Variants in SMCR8 observed in about 807,000 individuals in gnomAD.
SMCR8 encodes guanine nucleotide exchange protein SMCR8.
In SMCR8, 30 loss-of-function variants were observed where a neutral mutation model predicts 56.6. The ratio of observed to expected loss-of-function variants is 0.53; its 90% CI spans 0.40 to 0.72. SMCR8 has a LOEUF of 0.72. Among genes scored for constraint, SMCR8 ranks in the 30% least tolerant of loss-of-function variants. The pLI, the probability that SMCR8 is intolerant of heterozygous loss-of-function variation, is 0.00. For missense variants in SMCR8, 1,198 were observed against 1,157.0 expected (o/e 1.04, Z -0.51); for synonymous variants, 538 against 456.0 (o/e 1.18, Z -2.29).
rs769180141 is a variant in SMCR8 at position 18,317,323 on chromosome 17, A to G, written c.1534A>G (p.Ile512Val). Residue 512 changes from isoleucine to valine, a missense_variant, in exon 1 of 2, where the codon ATC (isoleucine) becomes GTC (valine). By Grantham distance (29) the Ile-to-Val change is conservative. Transcript: ENST00000406438. ...VRSKAVSHRT[I>V]SEDSIEVLST... ...GAGCAAAGCAGTCAGCCACAGGACC[A>G]TCAGCGAGGACAGTATTGAAGTCCT... 9 of 1,614,030 alleles carry G rather than the reference A, an allele frequency of 5.6e-6. No homozygotes were observed. Among genetic ancestry groups the G allele is most frequent in the Non-Finnish European group, 7.6e-6 (9 of 1,180,036 alleles).
Position 18,323,196 on chromosome 17 carries a change from A to C in SMCR8, c.*126A>C, listed in dbSNP as rs1982555944. ...TCTGGTGTCTGGCAGCATGGTTCCC[A>C]CGTGGCTCCTAGTAGTTTTTAAGTT... On this transcript the variant is annotated 3_prime_UTR_variant, in exon 2 of 2. Coordinates refer to ENST00000406438, the MANE Select transcript of SMCR8 (RefSeq NM_144775.3). 1 of 835,064 alleles carries C rather than the reference A, an allele frequency of 1.2e-6. No individual in the cohort carries two copies. Among genetic ancestry groups the C allele is most frequent in the Non-Finnish European group, 1.9e-6 (1 of 539,604 alleles). 51.7% of individuals were successfully genotyped at this position (835,064 alleles called of 1,614,324 possible).
rs763869145 is a variant in SMCR8 at position 18,317,359 on chromosome 17, C to G, written c.1570C>G (p.Pro524Ala). The G allele has an allele frequency of 4.3e-6, 7 of 1,614,124 alleles. No individual in the cohort carries two copies. The highest frequency in any genetic ancestry group is 2.2e-5 in the East Asian group (1 of 44,886). The stretch of plus-strand genomic sequence containing the variant: ...CAGTATTGAAGTCCTCAGTACCTGC[C>G]CCTCTGAGGCCCTCATCCCTGATGA... ...EDSIEVLSTCPSEALIPDDFK... is the reference protein window; with the variant it reads ...EDSIEVLSTCASEALIPDDFK... The change falls in exon 1 of 2, where the codon CCC becomes GCC. Residue 524 changes from proline (P) to alanine (A), a missense_variant. Pro to Ala is a conservative substitution (Grantham distance 27). Transcript: ENST00000406438.
chr17:18,317,422 G>C lies in SMCR8; in HGVS notation c.1633G>C (p.Glu545Gln), dbSNP rs199912685. Reference sequence around the variant, plus strand: ...CTACCCAAGTGCCATTAATGAAGAAGAATCATATCCAGATGGCAATGAAGG... The same window carrying C: ...CTACCCAAGTGCCATTAATGAAGAACAATCATATCCAGATGGCAATGAAGG... ...ASYPSAINEE[E>Q]SYPDGNEGAI... Residue 545 changes from glutamate (E) to glutamine (Q), a missense_variant, in exon 1 of 2, where the codon GAA (glutamate) becomes CAA (glutamine). Physicochemically the swap from Glu to Gln is conservative, Grantham distance 29. Coordinates refer to ENST00000406438, the MANE Select transcript of SMCR8 (RefSeq NM_144775.3). 6.2e-7 allele frequency: 1 copy of C among 1,614,074 alleles called. No homozygotes were observed. The highest frequency in any genetic ancestry group is 1.1e-5 in the South Asian group (1 of 91,078).
Position 18,322,666 on chromosome 17 carries a change from A to T in SMCR8, c.2410A>T (p.Ser804Cys), listed in dbSNP as rs754176556. 4.3e-6 allele frequency: 7 copies of T among 1,614,170 alleles called. No homozygotes were observed. The highest frequency in any genetic ancestry group is 5.9e-6 in the Non-Finnish European group (7 of 1,180,042). ...TACCCTCCATGCCCTGAGCCGCTAC[A>T]GCCGCTACACGAGCATCCTGGACCT... Reference protein sequence around the residue: ...AGTLHALSRYSRYTSILDLDN... With the variant: ...AGTLHALSRYCRYTSILDLDN... The change falls in exon 2 of 2, where the codon AGC becomes TGC. Residue 804 changes from serine to cysteine, a missense_variant. Transcript: ENST00000406438.
rs1046546808 is a variant in SMCR8, at chr17:18,323,356, G to A, written c.*286G>A. On this transcript the variant is annotated 3_prime_UTR_variant, in exon 2 of 2. Transcript: ENST00000406438. The stretch of plus-strand genomic sequence containing the variant: ...TGGTTTTCTGAGGACTGGCAGCCAG[G>A]GCAGAAGGGAAGCCACCAGTCCCTT... 4 of 412,584 alleles carry A rather than the reference G, an allele frequency of 9.7e-6. No individual in the cohort carries two copies. In the Middle Eastern group the frequency reaches 1.9e-3, roughly 199 times the overall value. The allele number at this position is 412,584 out of a possible 1,614,324, so 25.6% of individuals were successfully genotyped here.
rs1982335208 is a variant in SMCR8 at position 18,317,155 on chromosome 17, G to T, written c.1366G>T (p.Asp456Tyr). Residue 456 changes from aspartate (D) to tyrosine (Y), a missense_variant, in exon 1 of 2, where the codon GAC (aspartate) becomes TAC (tyrosine). By Grantham distance (160) the Asp-to-Tyr change is radical. Coordinates refer to ENST00000406438, the MANE Select transcript of SMCR8 (RefSeq NM_144775.3). ...LSSFDPQENL[D>Y]YLDMDMKGSI... The stretch of plus-strand genomic sequence containing the variant: ...CAGTTTCGACCCCCAGGAAAACTTG[G>T]ACTACCTGGATATGGATATGAAAGG... 6.2e-7 allele frequency: 1 copy of T among 1,614,036 alleles called. No individual in the cohort carries two copies. The highest frequency in any genetic ancestry group is 1.7e-5 in the Admixed American group (1 of 60,000).
intron 1 of SMCR8, among the ~76,000 whole-genome samples, chr17:18,318,407 A>T (rs1982398784): frequency 6.6e-6 from 1 of 151,850 alleles, no homozygotes; most frequent in African/African-American, 2.4e-5. Context: ...TTTTATTTTT[A>T]TTTTTATTTT....
chr17:18,321,698 G>A (rs2142994208), intron 1 of SMCR8, among the ~76,000 whole-genome samples: 1 of 152,322 alleles, frequency 6.6e-6, no homozygotes, highest in South Asian at 2.1e-4. Flanking sequence ...TGGGTGTGGT[G>A]GCATACGCCT....
Position 18,316,042 on chromosome 17 carries a change from T to A in SMCR8, c.253T>A (p.Phe85Ile). ...CAATGACACCAAAGTTTTTGGCACTTTTGATCTCAATTACTTCTCCCTGCG... is the reference window on the plus strand; with the variant it reads ...CAATGACACCAAAGTTTTTGGCACTATTGATCTCAATTACTTCTCCCTGCG... ...IPNDTKVFGT[F>I]DLNYFSLRIM... The change falls in exon 1 of 2, where the codon TTT becomes ATT. Residue 85 changes from phenylalanine to isoleucine, a missense_variant. Phe to Ile is a conservative substitution (Grantham distance 21). Transcript: ENST00000406438. 1 of 1,614,130 alleles carries A rather than the reference T, an allele frequency of 6.2e-7. No individual in the cohort carries two copies. The highest frequency in any genetic ancestry group is 8.5e-7 in the Non-Finnish European group (1 of 1,180,034).
rs372200892 is a variant in SMCR8, at chr17:18,323,102, T to A, written c.*32T>A. On this transcript the variant is annotated 3_prime_UTR_variant, in exon 2 of 2. Coordinates refer to ENST00000406438, the MANE Select transcript of SMCR8 (RefSeq NM_144775.3). ...TCCCAGACACTGTGACCAAGACCTGTGACTCAGGGTATGGGGAGGGGAGGG... is the reference window on the plus strand; with the variant it reads ...TCCCAGACACTGTGACCAAGACCTGAGACTCAGGGTATGGGGAGGGGAGGG... The A allele has an allele frequency of 4.0e-5, 63 of 1,577,990 alleles. No individual in the cohort carries two copies. The highest frequency in any genetic ancestry group is 5.3e-5 in the Non-Finnish European group (61 of 1,155,560).
chr17:18,318,584 A>C (rs1051289602), intron 1 of SMCR8, among the ~76,000 whole-genome samples: 1 of 151,880 alleles, frequency 6.6e-6, no homozygotes, highest in African/African-American at 2.4e-5. Context: ...TTCTATTTTT[A>C]GTAGAGACAG....
rs749986306 is a variant in SMCR8, at chr17:18,317,421, A to G, written c.1632A>G (p.Glu544=). The G allele has an allele frequency of 1.2e-5, 20 of 1,614,026 alleles. No homozygotes were observed. The African/African-American group carries it at 2.4e-4, about 19-fold the overall frequency. ...GCTACCCAAGTGCCATTAATGAAGA[A>G]GAATCATATCCAGATGGCAATGAAG... is the stretch of plus-strand genomic sequence containing the variant. ...KASYPSAINE[E]ESYPDGNEGA... is the part of the protein sequence containing the mutation. The change falls in exon 1 of 2, where the codon GAA becomes GAG. Residue 544 remains glutamate (E), a synonymous_variant. Coordinates refer to ENST00000406438, the MANE Select transcript of SMCR8 (RefSeq NM_144775.3).
Position 18,316,623 on chromosome 17 carries a change from C to T in SMCR8, c.834C>T (p.Ala278=). 6.2e-7 allele frequency: 1 copy of T among 1,614,164 alleles called. No individual in the cohort carries two copies. Residue 278 remains alanine (A), a synonymous_variant, in exon 1 of 2, where the codon GCC becomes GCT. Coordinates refer to ENST00000406438, the MANE Select transcript of SMCR8 (RefSeq NM_144775.3). ...AGATGGAGCACATCCAGGATCAGGC[C>T]AGCCAGGCATCCACTACCTCTAACC... is the stretch of plus-strand genomic sequence containing the variant. The part of the protein sequence containing the change: ...PGEMEHIQDQ[A]SQASTTSNPD...
chr17:18,326,318 G>A lies in SMCR8; in HGVS notation c.*3248G>A, dbSNP rs934407977. 1 of 152,224 alleles carries A rather than the reference G, an allele frequency of 6.6e-6. No homozygotes were observed. The highest frequency in any genetic ancestry group is 2.4e-5 in the African/African-American group (1 of 41,434). 9.4% of individuals were successfully genotyped at this position (152,224 alleles called of 1,614,324 possible). A position where few individuals can be genotyped will look rare whatever the true frequency, so the allele number is the denominator to read the frequency against. ...CTAGGTTAAACTAGCCAGGCAGGTA[G>A]TTGTGGACTGGTGATTTTCAAAAGC... On this transcript the variant is annotated 3_prime_UTR_variant, in exon 2 of 2. Coordinates refer to ENST00000406438, the MANE Select transcript of SMCR8 (RefSeq NM_144775.3).
At chr17:18,322,043 G>A (rs7222684) in intron 1 of SMCR8, among the ~76,000 whole-genome samples, 46,420 of 151,936 alleles carry the variant, frequency 0.31, 7,403 homozygotes, top group African/African-American at 0.35. Context: ...ACAGAGTCTC[G>A]CTCTGTTGCC....
rs1433050103 is a variant in SMCR8 at position 18,326,857 on chromosome 17, A to T, written c.*3787A>T. ...GCTGCTGTCACATCTTTGTCTGCACAGCCAGTAGGATTGCCTCAGCCAGGG... is the reference window on the plus strand; with the variant it reads ...GCTGCTGTCACATCTTTGTCTGCACTGCCAGTAGGATTGCCTCAGCCAGGG... On this transcript the variant is annotated 3_prime_UTR_variant, in exon 2 of 2. Transcript: ENST00000406438. 1 of 152,612 alleles carries T rather than the reference A, an allele frequency of 6.6e-6. No homozygotes were observed. The highest frequency in any genetic ancestry group is 2.4e-5 in the African/African-American group (1 of 41,468). The allele number at this position is 152,612 out of a possible 1,614,324, so 9.5% of individuals were successfully genotyped here. A position where few individuals can be genotyped will look rare whatever the true frequency, so the allele number is the denominator to read the frequency against.
chr17:18,317,715 C>T lies in SMCR8; in HGVS notation c.1926C>T (p.Asn642=). ...ATGCCAACCCTTCTTCCCGAGACAA[C>T]AGTTGTGAAGGGTTTCCCGCTTATG... is the stretch of plus-strand genomic sequence containing the variant. ...VENANPSSRD[N]SCEGFPAYEL... Residue 642 remains asparagine, a synonymous_variant, in exon 1 of 2, where the codon AAC becomes AAT. Transcript: ENST00000406438. 6.2e-7 allele frequency: 1 copy of T among 1,614,174 alleles called. No individual in the cohort carries two copies. The highest frequency in any genetic ancestry group is 8.5e-7 in the Non-Finnish European group (1 of 1,180,036).
chr17:18,318,699 T>C (rs1438852701), intron 1 of SMCR8, among the ~76,000 whole-genome samples: 1 of 152,172 alleles, frequency 6.6e-6, no homozygotes, highest in East Asian at 1.9e-4. Flanking sequence ...CCACCGTGCC[T>C]GGCCGGAAAG....
At position 18,323,910 on chromosome 17, in the gene SMCR8, A is replaced by G. The variant is rs1005927356; in HGVS notation, c.*840A>G. ...AGGGCTGAGGCGCCATGAGGCCATC[A>G]CCACCATGCAAGGGAGGAGCAGCCA... On this transcript the variant is annotated 3_prime_UTR_variant, in exon 2 of 2. Coordinates refer to ENST00000406438, the MANE Select transcript of SMCR8 (RefSeq NM_144775.3). 6.6e-6 allele frequency: 1 copy of G among 152,448 alleles called. No individual in the cohort carries two copies. The highest frequency in any genetic ancestry group is 1.5e-5 in the Non-Finnish European group (1 of 68,230). The allele number at this position is 152,448 out of a possible 1,614,324, so 9.4% of individuals were successfully genotyped here.
Sources: gnomAD v4.1 joint callset for allele counts (sites outside exome capture counted in the v4.1 genomes callset) on GRCh38, gnomAD v4.1.1 for gene constraint, MANE v1.5 for transcripts, NCBI Gene and HGNC (gene_info 2026-07-23, HGNC 2026-07-21) for gene names.